TRPM3: variants seen among roughly 807,000 people sequenced by gnomAD.
TRPM3 encodes the protein transient receptor potential cation channel subfamily M member 3.
Under a neutral mutation model 181.2 loss-of-function variants are expected in TRPM3, and 77 were observed. The observed-to-expected ratio is 0.42, with a 90% CI of 0.35 to 0.51. The LOEUF (loss-of-function observed/expected upper bound fraction) is 0.51. Among genes scored for constraint, TRPM3 ranks in the 20% least tolerant of loss-of-function variants. TRPM3 has a pLI of 0.01. For synonymous variants in TRPM3, 745 were observed against 796.4 expected (o/e 0.94, Z 1.09); for missense variants, 1,759 against 2,196.7 (o/e 0.80, Z 3.98).
At position 71,011,905 on chromosome 9, in the gene TRPM3, C is replaced by T. The variant is rs35231685; in HGVS notation, c.177+109273G>A. ...AAGCGATCCTTCCACCTCAGCCGCC[C>T]GAGCAACTGGGACTACAGGTGCACA... On this transcript the variant is annotated intron_variant, in intron 1 of 25. Coordinates refer to ENST00000677713, the MANE Select transcript of TRPM3 (RefSeq NM_001366145.2). Among the ~76,000 whole-genome samples the T allele has an allele frequency of 5.3e-5, 8 of 151,434 alleles. No homozygotes were observed. The East Asian group carries it at 5.8e-4, about 11-fold the overall frequency.
intron 22 of TRPM3, among the ~76,000 whole-genome samples, chr9:70,586,733 G>A (rs1407014255): frequency 1.3e-5 from 2 of 152,174 alleles, no homozygotes; most frequent in East Asian, 3.8e-4. Context: ...GCACAGCCCT[G>A]AGTCTTGAGA....
chr9:70,586,121 C>T (rs1418129597), intron 22 of TRPM3, among the ~76,000 whole-genome samples: 2 of 152,198 alleles, frequency 1.3e-5, no homozygotes, highest in African/African-American at 4.8e-5. Flanking sequence ...GTCTCATCTC[C>T]CACCCCAGGT....
intron 1 of TRPM3, among the ~76,000 whole-genome samples, chr9:71,063,073 T>C (rs1440797936): frequency 1.3e-5 from 2 of 152,160 alleles, no homozygotes; most frequent in African/African-American, 4.8e-5. Context: ...CCTTGCTTTC[T>C]GAAGTAACAA....
At chr9:70,577,182 C>A (rs770679109) in intron 22 of TRPM3, among the ~76,000 whole-genome samples, 6 of 152,160 alleles carry the variant, frequency 3.9e-5, no homozygotes, top group Non-Finnish European at 8.8e-5. Context: ...AAGTACATGC[C>A]AAGGCCTCTC....
At chr9:71,438,765 G>T (rs949599377) in intron 1 of TRPM3, among the ~76,000 whole-genome samples, 1 of 152,194 alleles carries the variant, frequency 6.6e-6, no homozygotes, top group African/African-American at 2.4e-5. Flanking sequence ...AATCTAGTGG[G>T]AGAGAGAAGA....
intron 5 of TRPM3, among the ~76,000 whole-genome samples, chr9:70,842,485 C>A (rs10119412): frequency 0.57 from 86,228 of 151,952 alleles, 24,824 homozygotes; most frequent in Non-Finnish European, 0.58. Context: ...ATTAATTCTT[C>A]GCCACTTTTA....
chr9:71,146,434 T>C (rs1282024759), intron 1 of TRPM3, among the ~76,000 whole-genome samples: 3 of 152,148 alleles, frequency 2.0e-5, no homozygotes, highest in Admixed American at 6.6e-5. Context: ...AGCCATTAAC[T>C]TGAGATTCTG....
intron 1 of TRPM3, among the ~76,000 whole-genome samples, chr9:71,352,287 A>C (rs961180120): frequency 5.9e-5 from 9 of 152,230 alleles, no homozygotes; most frequent in Non-Finnish European, 1.5e-5. Flanking sequence ...AACATTAATA[A>C]AAAATTTTCA....
chr9:71,094,074 T>C (rs1591364349), intron 1 of TRPM3, among the ~76,000 whole-genome samples: 1 of 32,966 alleles, frequency 3.0e-5, no homozygotes, highest in Non-Finnish European at 5.5e-5. Context: ...CATCACACAC[T>C]GGGGCCTGTC....
chr9:71,318,227 T>A (rs1208756726), intron 1 of TRPM3, among the ~76,000 whole-genome samples: 1 of 152,138 alleles, frequency 6.6e-6, no homozygotes, highest in South Asian at 2.1e-4. Flanking sequence ...AAATCAGGGG[T>A]TTTAAAATAG....
At chr9:71,110,921 A>G (rs2070930621) in intron 1 of TRPM3, among the ~76,000 whole-genome samples, 1 of 152,152 alleles carries the variant, frequency 6.6e-6, no homozygotes, top group Non-Finnish European at 1.5e-5. Context: ...AGAAAGTGAA[A>G]TATTTTCTTC....
chr9:71,368,794 C>T (rs2092421055), intron 1 of TRPM3, among the ~76,000 whole-genome samples: 1 of 152,058 alleles, frequency 6.6e-6, no homozygotes. Flanking sequence ...CACAACAGAA[C>T]AATTAGACAA....
rs1554878209 is a variant in TRPM3, at chr9:71,331,891, GGGAGGAAGAAGA to G, written c.183+114750_183+114761del. 1.8e-4 allele frequency among the ~76,000 whole-genome samples: 12 copies of G among 67,826 alleles called. No individual in the cohort carries two copies. The East Asian group carries it at 2.4e-3, about 13-fold the overall frequency. The allele number at this position is 67,826 out of a possible 152,430, so 44.5% of individuals were successfully genotyped here. ...AGGAGGAAGAAAGAGGAGGAAGAAGGGGAGGAAGAAGAGGAGGAAGAAGAGGAGGAAGAGGAA... is the reference window on the plus strand; with the variant it reads ...AGGAGGAAGAAAGAGGAGGAAGAAGGGGAGGAAGAAGAGGAGGAAGAGGAA... On this transcript the variant is annotated intron_variant, in intron 1 of 24. Transcript: ENST00000357533.
chr9:70,781,768 C>T (rs950752290), intron 7 of TRPM3, among the ~76,000 whole-genome samples: 2 of 151,936 alleles, frequency 1.3e-5, no homozygotes, highest in Non-Finnish European at 2.9e-5. Context: ...AGGTCCCACC[C>T]AGTTCTAAAA....
chr9:70,914,914 A>C (rs555236466), intron 1 of TRPM3, among the ~76,000 whole-genome samples: 3 of 152,328 alleles, frequency 2.0e-5, no homozygotes, highest in Admixed American at 2.0e-4. Flanking sequence ...GTGCCTCCTA[A>C]TGAAGATATA....
intron 1 of TRPM3, among the ~76,000 whole-genome samples, chr9:70,931,974 T>G (rs1012646297): frequency 1.3e-5 from 2 of 152,140 alleles, no homozygotes; most frequent in Non-Finnish European, 2.9e-5. Flanking sequence ...TATTCACGAG[T>G]GTACTAACAT....
chr9:71,154,778 C>T (rs947866924), intron 1 of TRPM3, among the ~76,000 whole-genome samples: 5 of 152,108 alleles, frequency 3.3e-5, no homozygotes, highest in African/African-American at 4.8e-5. Flanking sequence ...GGAATTTTTC[C>T]CAACCAATTT....
In TRPM3 at chr9:70,796,355, T is replaced by C. The variant is rs185673714; in HGVS notation, c.974-12076A>G. Among the ~76,000 whole-genome samples the C allele has an allele frequency of 2.0e-5, 3 of 152,344 alleles. No homozygotes were observed. In the East Asian group the frequency reaches 5.8e-4, roughly 29 times the overall value. On this transcript the variant is annotated intron_variant, in intron 6 of 25. Coordinates refer to ENST00000677713, the MANE Select transcript of TRPM3 (RefSeq NM_001366145.2). Reference sequence around the variant, plus strand: ...AGGGAAATGTTGCTGGTGGTATGCATGTTAATTTGCTTTTTTCAAATTATA... The same window carrying C: ...AGGGAAATGTTGCTGGTGGTATGCACGTTAATTTGCTTTTTTCAAATTATA...
At chr9:70,941,263 A>C (rs1233828097) in intron 1 of TRPM3, among the ~76,000 whole-genome samples, 2 of 152,220 alleles carry the variant, frequency 1.3e-5, no homozygotes, top group Non-Finnish European at 2.9e-5. Flanking sequence ...AAGACGGAAG[A>C]GCAGACTTGC....
Sources: allele counts gnomAD v4.1 joint callset (sites outside exome capture counted in the v4.1 genomes callset), GRCh38; gene constraint gnomAD v4.1.1; transcripts MANE v1.5; gene names NCBI Gene and HGNC (gene_info 2026-07-23, HGNC 2026-07-21).